COBLL1: variants seen among roughly 807,000 people sequenced by gnomAD.
The protein encoded by COBLL1 is cordon-bleu WH2 repeat protein like 1.
Under a neutral mutation model 94.8 loss-of-function variants are expected in COBLL1, and 50 were observed. The ratio of observed to expected loss-of-function variants is 0.53; its 90% CI spans 0.42 to 0.67. The LOEUF (loss-of-function observed/expected upper bound fraction) is 0.67. Ranked by LOEUF, COBLL1 falls within the 30% of genes least tolerant of loss-of-function variation. COBLL1 has a pLI of 0.00. For synonymous variants in COBLL1, 448 were observed against 473.8 expected, an observed-to-expected ratio of 0.95 and a Z score of 0.71; for missense variants, 1,362 against 1,348.7, an observed-to-expected ratio of 1.01 and a Z score of -0.15.
intron 2 of COBLL1, among the ~76,000 whole-genome samples, chr2:164,767,827 T>G (rs973174323): frequency 6.6e-6 from 1 of 152,070 alleles, no homozygotes; most frequent in East Asian, 1.9e-4. Flanking sequence ...ATTGTATGTA[T>G]ATAATATTTT....
chr2:164,788,516 A>G (rs1033992121), intron 2 of COBLL1, among the ~76,000 whole-genome samples: 5 of 152,320 alleles, frequency 3.3e-5, no homozygotes, highest in African/African-American at 9.6e-5. Context: ...AACACCTATC[A>G]GCTGGACAAC....
chr2:164,805,326 T>TATA, intron 2 of COBLL1, among the ~76,000 whole-genome samples: 1 of 58,226 alleles, frequency 1.7e-5, no homozygotes, highest in Non-Finnish European at 3.4e-5. Flanking sequence ...TCTCTCTCTC[T>TATA]CTCTCTCTCT....
At chr2:164,824,961 A>T (rs959284485) in intron 2 of COBLL1, among the ~76,000 whole-genome samples, 2 of 152,198 alleles carry the variant, frequency 1.3e-5, no homozygotes, top group African/African-American at 4.8e-5. Flanking sequence ...ATAGATTCCA[A>T]ATGACATCTG....
At chr2:164,703,264 G>A (rs769322543) in intron 9 of COBLL1, 10 of 1,306,124 alleles carry the variant, frequency 7.7e-6, no homozygotes, top group Non-Finnish European at 8.8e-6. Context: ...TTAGACAACA[G>A]AGTTAAGGCA....
intron 2 of COBLL1, among the ~76,000 whole-genome samples, chr2:164,783,865 C>G (rs1688824549): frequency 6.6e-6 from 1 of 152,020 alleles, no homozygotes; most frequent in Non-Finnish European, 1.5e-5. Context: ...ATTTAAGAGG[C>G]TGAAGCAGGA....
rs1040005554 is a variant in COBLL1 at position 164,670,950 on chromosome 2, A to G, written n.127-5049T>C. Reference sequence around the variant, plus strand: ...CCAAGTCCTGGGTGCTTTCACCAGTATTATCTCATTTCATTCTTCAAGAAC... The same window carrying G: ...CCAAGTCCTGGGTGCTTTCACCAGTGTTATCTCATTTCATTCTTCAAGAAC... On this transcript the variant is annotated intron_variant and non_coding_transcript_variant, in intron 1 of 2. Transcript: ENST00000495084. Among the ~76,000 whole-genome samples, 4 of 152,340 alleles carry G rather than the reference A, an allele frequency of 2.6e-5. No homozygotes were observed. The East Asian group carries it at 7.7e-4, about 29-fold the overall frequency.
At chr2:164,709,440 G>C (rs924217906) in intron 7 of COBLL1, among the ~76,000 whole-genome samples, 4 of 152,228 alleles carry the variant, frequency 2.6e-5, no homozygotes, top group African/African-American at 7.2e-5. Flanking sequence ...GACATTGGCT[G>C]GGTGCCGTGG....
At chr2:164,820,611 T>C (rs376488516) in intron 2 of COBLL1, among the ~76,000 whole-genome samples, 1 of 152,172 alleles carries the variant, frequency 6.6e-6, no homozygotes, top group African/African-American at 2.4e-5. Context: ...AATAACAAAA[T>C]AGTAATGTAT....
intron 2 of COBLL1, among the ~76,000 whole-genome samples, chr2:164,818,407 TATAC>T (rs1684954485): frequency 6.7e-6 from 1 of 150,046 alleles, no homozygotes; most frequent in African/African-American, 2.4e-5. Context: ...TGTGTACATA[TATAC>T]ATATTTACAA....
intron 2 of COBLL1, among the ~76,000 whole-genome samples, chr2:164,839,804 T>A (rs930844650): frequency 6.6e-6 from 1 of 152,058 alleles, no homozygotes; most frequent in Non-Finnish European, 1.5e-5. Context: ...TCTTTACTCA[T>A]CCTAATGTGA....
chr2:164,754,007 A>G lies in COBLL1; in HGVS notation c.42-10132T>C, dbSNP rs141803993. Reference sequence around the variant, plus strand: ...CTCGGCCTCCTAAAGTGCTGAAGTTACAGGTGTGAGCCACCGTGCTGGCCC... The same window carrying G: ...CTCGGCCTCCTAAAGTGCTGAAGTTGCAGGTGTGAGCCACCGTGCTGGCCC... On this transcript the variant is annotated intron_variant, in intron 2 of 13. Coordinates refer to ENST00000652658, the MANE Select transcript of COBLL1 (RefSeq NM_001365672.2). 5.2e-3 allele frequency among the ~76,000 whole-genome samples: 791 copies of G among 152,246 alleles called. 12 individuals are homozygous for G. Among genetic ancestry groups the G allele is most frequent in the African/African-American group, 0.018 (730 of 41,522 alleles).
In COBLL1 at chr2:164,681,530, C is replaced by G. The variant is rs572666497; in HGVS notation, c.*4416G>C. The G allele has an allele frequency of 1.8e-4, 28 of 152,302 alleles. No homozygotes were observed. Among genetic ancestry groups the G allele is most frequent in the African/African-American group, 6.3e-4 (26 of 41,534 alleles). 9.4% of individuals were successfully genotyped at this position (152,302 alleles called of 1,614,324 possible). On this transcript the variant is annotated 3_prime_UTR_variant, in exon 14 of 14. Transcript: ENST00000652658. ...TAATGAGAGGAGCTGCAAAGTCACA[C>G]AGCAAAAGGTACGGATGCAAGAGAG...
At chr2:164,753,426 ATC>A (rs999653810) in intron 2 of COBLL1, among the ~76,000 whole-genome samples, 15 of 148,170 alleles carry the variant, frequency 1.0e-4, no homozygotes, top group African/African-American at 2.8e-4. Flanking sequence ...GCCACCTTAA[ATC>A]TCTCTCTCCA....
At chr2:164,781,628 A>G (rs867044196) in intron 2 of COBLL1, among the ~76,000 whole-genome samples, 1 of 152,324 alleles carries the variant, frequency 6.6e-6, no homozygotes, top group Middle Eastern at 3.4e-3. Flanking sequence ...AGGCAGTAGT[A>G]CACCTTGGAG....
chr2:164,800,646 C>A, intron 2 of COBLL1: 1 of 681,510 alleles, frequency 1.5e-6, no homozygotes, highest in Non-Finnish European at 2.7e-6. Flanking sequence ...AAACTGGAAA[C>A]AATCTAACTG....
At chr2:164,670,060 C>G (rs114702683) in intron 1 of COBLL1, among the ~76,000 whole-genome samples, 1,576 of 152,260 alleles carry the variant, frequency 0.01, 20 homozygotes, top group Middle Eastern at 0.027. Context: ...AACATCATAA[C>G]AGCAGCTGAC....
chr2:164,836,235 G>A (rs957953441), intron 2 of COBLL1, among the ~76,000 whole-genome samples: 8 of 152,028 alleles, frequency 5.3e-5, no homozygotes, highest in Admixed American at 6.5e-5. Flanking sequence ...GAAAAAAACT[G>A]CCAGTTTACT....
In COBLL1 at chr2:164,685,939, G is replaced by A. The variant is rs1279463196; in HGVS notation, c.*7C>T. On this transcript the variant is annotated 3_prime_UTR_variant, in exon 14 of 14. Coordinates refer to ENST00000652658, the MANE Select transcript of COBLL1 (RefSeq NM_001365672.2). The stretch of plus-strand genomic sequence containing the variant: ...AAGTGAAGTGCAGTGGTGTGGCAGG[G>A]TAACATTTAATGGCCGTCCTGGGCA... 6.3e-7 allele frequency: 1 copy of A among 1,576,772 alleles called. No individual in the cohort carries two copies. The highest frequency in any genetic ancestry group is 8.7e-7 in the Non-Finnish European group (1 of 1,147,852).
At chr2:164,705,205 T>G (rs1574442572) in intron 7 of COBLL1, 100 bp from the exon 8 acceptor site, 1 of 887,210 alleles carries the variant, frequency 1.1e-6, no homozygotes, top group East Asian at 3.1e-5. Flanking sequence ...TATATCCAAA[T>G]GGAACATAAC....
Sources: gnomAD v4.1 joint callset for allele counts (sites outside exome capture counted in the v4.1 genomes callset) on GRCh38, gnomAD v4.1.1 for gene constraint, MANE v1.5 for transcripts, NCBI Gene and HGNC (gene_info 2026-07-23, HGNC 2026-07-21) for gene names.